LSAMP: variants seen among roughly 807,000 people sequenced by gnomAD.
LSAMP encodes the protein limbic system-associated membrane protein.
LSAMP carries 7 observed loss-of-function variants against 38.6 expected under a neutral mutation model. The observed-to-expected ratio is 0.18, with a 90% CI of 0.10 to 0.34. The LOEUF (loss-of-function observed/expected upper bound fraction) is 0.34, where lower values mean the gene tolerates loss of function less well. LSAMP is among the 10% of genes least tolerant of loss of function. LSAMP has a pLI of 1.00. For synonymous variants in LSAMP, 154 were observed against 166.8 expected (o/e 0.92, Z 0.59); for missense variants, 313 against 420.0 (o/e 0.75, Z 2.23).
At chr3:116,128,027 A>G in intron 1 of LSAMP, among the ~76,000 whole-genome samples, 1 of 152,086 alleles carries the variant, frequency 6.6e-6, no homozygotes. Context: ...GGACCCTTGG[A>G]GTATTTTTAT....
At chr3:115,872,585 A>G (rs1441369827) in intron 3 of LSAMP, among the ~76,000 whole-genome samples, 1 of 152,126 alleles carries the variant, frequency 6.6e-6, no homozygotes, top group Non-Finnish European at 1.5e-5. Flanking sequence ...GAGCCTCCCG[A>G]GAATGGAAGA....
chr3:116,352,666 G>A (rs1242745993), intron 1 of LSAMP, among the ~76,000 whole-genome samples: 1 of 152,052 alleles, frequency 6.6e-6, no homozygotes, highest in African/African-American at 2.4e-5. Context: ...TCAAATAACT[G>A]AAAGTTATCT....
chr3:116,003,919 G>GT (rs1940073965), intron 3 of LSAMP, among the ~76,000 whole-genome samples: 1 of 152,140 alleles, frequency 6.6e-6, no homozygotes. Context: ...CCTTTCTGTT[G>GT]TTTTAAGCCA....
chr3:116,017,283 C>G (rs1000571956), intron 3 of LSAMP, among the ~76,000 whole-genome samples: 7 of 152,118 alleles, frequency 4.6e-5, no homozygotes, highest in Admixed American at 4.6e-4. Flanking sequence ...ATTTGCTAGT[C>G]AGTATTGTGC....
intron 1 of LSAMP, among the ~76,000 whole-genome samples, chr3:116,166,457 G>A (rs1214389242): frequency 1.3e-5 from 2 of 152,198 alleles, no homozygotes; most frequent in Non-Finnish European, 2.9e-5. Flanking sequence ...CACAGTCTAT[G>A]CTCCTAGGAA....
intron 1 of LSAMP, among the ~76,000 whole-genome samples, chr3:116,161,124 G>C (rs1049468758): frequency 1.3e-5 from 2 of 152,126 alleles, no homozygotes; most frequent in Admixed American, 1.3e-4. Context: ...GTGGCTAGTG[G>C]CTGCCACATT....
chr3:116,025,908 T>G (rs1940779639), intron 2 of LSAMP, among the ~76,000 whole-genome samples: 1 of 152,222 alleles, frequency 6.6e-6, no homozygotes, highest in Non-Finnish European at 1.5e-5. Context: ...GGTAATATTC[T>G]TTATTGAAAT....
intron 1 of LSAMP, among the ~76,000 whole-genome samples, chr3:116,115,658 G>T (rs993124160): frequency 2.0e-5 from 3 of 151,918 alleles, no homozygotes; most frequent in African/African-American, 2.4e-5. Context: ...AATTAAAAGT[G>T]AAGGCAAAAA....
Position 115,843,214 on chromosome 3 carries a change from G to A in LSAMP, c.650-636C>T, listed in dbSNP as rs77723754. ...GGGGGTACGGTTTAAAGTCTATCCT[G>A]GTGCATAGAAGACTTACTGGTATAT... On this transcript the variant is annotated intron_variant, in intron 4 of 6. Coordinates refer to ENST00000490035, the MANE Select transcript of LSAMP (RefSeq NM_002338.5). Among the ~76,000 whole-genome samples the A allele has an allele frequency of 2.6e-3, 394 of 152,280 alleles. 2 individuals are homozygous for A. Among genetic ancestry groups the A allele is most frequent in the African/African-American group, 9.1e-3 (378 of 41,544 alleles).
chr3:115,808,457 A>G lies in LSAMP; in HGVS notation c.*1860T>C, dbSNP rs904783115. 1 of 152,228 alleles carries G rather than the reference A, an allele frequency of 6.6e-6. No individual in the cohort carries two copies. The highest frequency in any genetic ancestry group is 1.9e-4 in the East Asian group (1 of 5,162). 9.4% of individuals were successfully genotyped at this position (152,228 alleles called of 1,614,324 possible). A position where few individuals can be genotyped will look rare whatever the true frequency, so the allele number is the denominator to read the frequency against. On this transcript the variant is annotated 3_prime_UTR_variant, in exon 7 of 7. Transcript: ENST00000490035. ...AGCTCTCTCGGCAAGACATTTCCTA[A>G]GAAATCCTTCTGGTGATGTGGTAAC... is the stretch of plus-strand genomic sequence containing the variant.
intron 1 of LSAMP, among the ~76,000 whole-genome samples, chr3:116,366,013 TAAAAAAAAAA>T (rs67452614): frequency 1.7e-4 from 5 of 28,686 alleles, no homozygotes; most frequent in African/African-American, 2.6e-4. Flanking sequence ...TAGAGTATAA[TAAAAAAAAAA>T]AAAAAAAAAA....
At chr3:116,284,917 A>G (rs2047173396) in intron 1 of LSAMP, among the ~76,000 whole-genome samples, 2 of 152,212 alleles carry the variant, frequency 1.3e-5, no homozygotes, top group South Asian at 4.1e-4. Flanking sequence ...AAAATATGAC[A>G]CAATTATGAA....
intron 3 of LSAMP, among the ~76,000 whole-genome samples, chr3:115,976,480 T>C (rs916817010): frequency 7.2e-5 from 11 of 152,168 alleles, no homozygotes; most frequent in African/African-American, 2.7e-4. Context: ...TCATCATCAC[T>C]GTGAAGGGAC....
At position 116,421,642 on chromosome 3, in the gene LSAMP, C is replaced by G. The variant is rs1428220045; in HGVS notation, c.155+23235G>C. 2.0e-5 allele frequency among the ~76,000 whole-genome samples: 3 copies of G among 151,344 alleles called. No individual in the cohort carries two copies. In the East Asian group the frequency reaches 5.8e-4, roughly 29 times the overall value. ...GGCAAAATATTTGAATAACACATTACAAAAGAAGACATACGAATGGCTGAT... is the reference window on the plus strand; with the variant it reads ...GGCAAAATATTTGAATAACACATTAGAAAAGAAGACATACGAATGGCTGAT... On this transcript the variant is annotated intron_variant, in intron 1 of 6. Coordinates refer to ENST00000490035, the MANE Select transcript of LSAMP (RefSeq NM_002338.5).
At chr3:115,823,076 T>C (rs541593563) in intron 6 of LSAMP, among the ~76,000 whole-genome samples, 2 of 152,350 alleles carry the variant, frequency 1.3e-5, no homozygotes, top group East Asian at 3.9e-4. Flanking sequence ...TCAAATATTC[T>C]ATAGTGAATA....
At chr3:116,052,516 C>T (rs1941414866) in intron 2 of LSAMP, among the ~76,000 whole-genome samples, 1 of 152,046 alleles carries the variant, frequency 6.6e-6, no homozygotes, top group Non-Finnish European at 1.5e-5. Context: ...TTCTTCCTTC[C>T]TGGAAACTCC....
chr3:115,881,678 A>C (rs752217358), intron 3 of LSAMP, among the ~76,000 whole-genome samples: 6 of 152,182 alleles, frequency 3.9e-5, no homozygotes, highest in Non-Finnish European at 7.3e-5. Flanking sequence ...CAGATGGGAT[A>C]TGTGCAGTGT....
intron 1 of LSAMP, among the ~76,000 whole-genome samples, chr3:116,406,908 A>G (rs1004315154): frequency 4.6e-5 from 7 of 151,966 alleles, no homozygotes; most frequent in African/African-American, 9.7e-5. Context: ...AGAAAGCGCA[A>G]AGGAAGAAAT....
chr3:115,949,553 C>T (rs1343496712), intron 3 of LSAMP, among the ~76,000 whole-genome samples: 1 of 151,678 alleles, frequency 6.6e-6, no homozygotes, highest in Non-Finnish European at 1.5e-5. Flanking sequence ...TCTGAACAGA[C>T]AAATAACAAG....
Sources: allele counts gnomAD v4.1 joint callset (sites outside exome capture counted in the v4.1 genomes callset), GRCh38; gene constraint gnomAD v4.1.1; transcripts MANE v1.5; gene names NCBI Gene and HGNC (gene_info 2026-07-23, HGNC 2026-07-21).